Variants in TULP4 observed in about 807,000 individuals in gnomAD.
The protein encoded by TULP4 is TUB like protein 4.
Under a neutral mutation model 129.0 loss-of-function variants are expected in TULP4, and 16 were observed. The ratio of observed to expected loss-of-function variants is 0.12; its 90% CI spans 0.08 to 0.19. TULP4 has a LOEUF of 0.19. Among genes scored for constraint, TULP4 ranks in the 10% least tolerant of loss-of-function variants. The pLI is 1.00. For missense variants in TULP4, 1,842 were observed against 2,059.1 expected (o/e 0.89, Z 2.04); for synonymous variants, 998 against 854.0 (o/e 1.17, Z -2.94).
intron 1 of TULP4, among the ~76,000 whole-genome samples, chr6:158,235,310 A>C (rs1490333810): frequency 1.3e-5 from 2 of 152,158 alleles, no homozygotes; most frequent in African/African-American, 4.8e-5. Context: ...AGACCTGTTA[A>C]ACCCCAACTC....
At chr6:158,352,200 A>G (rs1006066544) in intron 1 of TULP4, among the ~76,000 whole-genome samples, 3 of 152,202 alleles carry the variant, frequency 2.0e-5, no homozygotes, top group African/African-American at 4.8e-5. Context: ...CCAGATATCC[A>G]TTGGAAAGAC....
At position 158,502,946 on chromosome 6, in the gene TULP4, T is replaced by C; in HGVS notation, c.3283T>C (p.Ser1095Pro). The change falls in exon 13 of 14, where the codon TCC (serine) becomes CCC (proline). Residue 1095 changes from serine (S) to proline (P), a missense_variant. Coordinates refer to ENST00000367097, the MANE Select transcript of TULP4 (RefSeq NM_020245.5). Reference protein sequence around the residue: ...NSAFTEDEALSQHCQLEKPLR... With the variant: ...NSAFTEDEALPQHCQLEKPLR... Reference sequence around the variant, plus strand: ...GGCCTTCACGGAGGACGAGGCCCTGTCCCAGCACTGTCAGCTTGAGAAGCC... The same window carrying C: ...GGCCTTCACGGAGGACGAGGCCCTGCCCCAGCACTGTCAGCTTGAGAAGCC... The C allele has an allele frequency of 6.2e-7, 1 of 1,613,924 alleles. No homozygotes were observed. Among genetic ancestry groups the C allele is most frequent in the Non-Finnish European group, 8.5e-7 (1 of 1,179,982 alleles).
At chr6:158,380,540 G>A (rs113842124) in intron 1 of TULP4, among the ~76,000 whole-genome samples, 5,466 of 150,578 alleles carry the variant, frequency 0.036, 108 homozygotes, top group Non-Finnish European at 0.041. Context: ...TAGACTTGGG[G>A]GCTTACACAG....
rs1259385327 is a variant in TULP4, at chr6:158,241,985, C to CA, written n.68+9685dup. On this transcript the variant is annotated intron_variant and non_coding_transcript_variant, in intron 1 of 1. Coordinates refer to the TULP4 transcript ENST00000620026. ...GTTAATTTCACTTTCTTCTTGGAGT[C>CA]AAAGACATTTTGGTCCTTGTTAATG... 4 of 882,302 alleles carry CA rather than the reference C, an allele frequency of 4.5e-6. No individual in the cohort carries two copies. The African/African-American group carries it at 4.9e-5, about 11-fold the overall frequency. 54.7% of individuals were successfully genotyped at this position (882,302 alleles called of 1,614,324 possible).
chr6:158,504,200 C>A (rs779953094), intron 13 of TULP4, 22 bp downstream of exon 13: 6 of 1,514,066 alleles, frequency 4.0e-6, no homozygotes, highest in South Asian at 3.8e-5. Context: ...GACCAGGTGG[C>A]GCTGCGAGCC....
chr6:158,382,968 G>A (rs1001899218), intron 1 of TULP4, among the ~76,000 whole-genome samples: 11 of 152,186 alleles, frequency 7.2e-5, no homozygotes, highest in Admixed American at 2.6e-4. Context: ...CCTGAGAGGC[G>A]AATTAGTGCT....
chr6:158,366,827 A>G (rs989891741), intron 1 of TULP4, among the ~76,000 whole-genome samples: 1 of 152,162 alleles, frequency 6.6e-6, no homozygotes, highest in Non-Finnish European at 1.5e-5. Flanking sequence ...GTCTTTACTA[A>G]ATAATCTCAA....
chr6:158,498,493 G>A (rs540904598), intron 11 of TULP4, among the ~76,000 whole-genome samples, 176 bp from the exon 12 acceptor site: 1 of 152,310 alleles, frequency 6.6e-6, no homozygotes, highest in African/African-American at 2.4e-5. Flanking sequence ...TAGTATGGTC[G>A]CATTGAGTAC....
At chr6:158,453,400 C>T (rs1562572542) in intron 5 of TULP4, among the ~76,000 whole-genome samples, 1 of 144,742 alleles carries the variant, frequency 6.9e-6, no homozygotes, top group African/African-American at 2.6e-5. Context: ...AGGAGAATGG[C>T]ATGAACCCGA....
chr6:158,240,727 G>A (rs1259990970), intron 1 of TULP4, among the ~76,000 whole-genome samples: 1 of 128,810 alleles, frequency 7.8e-6, no homozygotes, highest in South Asian at 2.6e-4. Context: ...CCCGGACGGG[G>A]CGGCTGGCCG....
chr6:158,401,050 TTTG>T (rs199720242), intron 1 of TULP4, among the ~76,000 whole-genome samples: 26,728 of 147,048 alleles, frequency 0.18, 2,663 homozygotes, highest in Middle Eastern at 0.26. Context: ...GTTTGGGTTT[TTTG>T]TTGTTGTTGT....
intron 1 of TULP4, among the ~76,000 whole-genome samples, chr6:158,348,837 C>T (rs567144833): frequency 3.9e-4 from 54 of 139,528 alleles, no homozygotes; most frequent in African/African-American, 1.4e-3. Context: ...AGACAAAGGG[C>T]GGCCGGGCAG....
chr6:158,233,749 G>A (rs1309203275), intron 1 of TULP4, among the ~76,000 whole-genome samples: 2 of 152,230 alleles, frequency 1.3e-5, no homozygotes, highest in African/African-American at 4.8e-5. Flanking sequence ...AACTGGCATG[G>A]AAGTGATGAT....
At chr6:158,277,319 G>A (rs1487296954), upstream of TULP4, among the ~76,000 whole-genome samples, 1 of 152,178 alleles carries the variant, frequency 6.6e-6, no homozygotes, top group East Asian at 1.9e-4. Flanking sequence ...GGGAGGTCAG[G>A]AAAATGAGAT....
At chr6:158,378,463 GTTTTTTTTTTT>G (rs61250704) in intron 1 of TULP4, among the ~76,000 whole-genome samples, 12 of 53,640 alleles carry the variant, frequency 2.2e-4, no homozygotes, top group East Asian at 1.1e-3. Context: ...GGGGGAGCCA[GTTTTTTTTTTT>G]TTTTTTTTTT....
rs61250704 is a variant in TULP4, at chr6:158,378,463, G to GTTTTTTTTTTT, written c.253-34590_253-34580dup. Among the ~76,000 whole-genome samples, 27 of 53,634 alleles carry GTTTTTTTTTTT rather than the reference G, an allele frequency of 5.0e-4. 4 individuals carry two copies. Among genetic ancestry groups the GTTTTTTTTTTT allele is most frequent in the South Asian group, 1.9e-3 (2 of 1,078 alleles). The allele number at this position is 53,634 out of a possible 152,430, so 35.2% of individuals were successfully genotyped here. ...TTGAGCAGTTAGGATGGGGGAGCCA[G>GTTTTTTTTTTT]TTTTTTTTTTTTTTTTTTTTTTGGT... On this transcript the variant is annotated intron_variant, in intron 1 of 13. Transcript: ENST00000367097.
chr6:158,423,931 C>G (rs1212723734), intron 2 of TULP4, among the ~76,000 whole-genome samples: 2 of 151,900 alleles, frequency 1.3e-5, no homozygotes, highest in African/African-American at 4.8e-5. Context: ...TGAGCCACCG[C>G]GCCTGGCCAA....
At chr6:158,432,264 C>A (rs757489758) in intron 3 of TULP4, among the ~76,000 whole-genome samples, 3 of 151,996 alleles carry the variant, frequency 2.0e-5, no homozygotes. Context: ...CACTCATTCA[C>A]ATCTCTTGCT....
At chr6:158,458,257 A>T (rs144849052) in intron 5 of TULP4, among the ~76,000 whole-genome samples, 1 of 152,212 alleles carries the variant, frequency 6.6e-6, no homozygotes, top group African/African-American at 2.4e-5. Flanking sequence ...CACTGACTTC[A>T]TATAACCTTC....
Sources: gnomAD v4.1 joint callset for allele counts (sites outside exome capture counted in the v4.1 genomes callset) on GRCh38, gnomAD v4.1.1 for gene constraint, MANE v1.5 for transcripts, NCBI Gene and HGNC (gene_info 2026-07-23, HGNC 2026-07-21) for gene names.